The following MYOZ2 variants were observed in gnomAD, a reference collection of about 807,000 sequenced individuals.
MYOZ2 encodes myozenin 2.
MYOZ2 carries 19 observed loss-of-function variants against 25.4 expected under a neutral mutation model. That is an observed-to-expected ratio of 0.75 (90% CI 0.52 to 1.10). MYOZ2 has a LOEUF of 1.10. Among genes scored for constraint, MYOZ2 ranks in the 50% least tolerant of loss-of-function variants. The probability of loss-of-function intolerance (pLI) is 0.00; values close to 1 mark genes in which losing one functional copy is unlikely to be tolerated. For missense variants in MYOZ2, 270 were observed against 317.9 expected, an observed-to-expected ratio of 0.85 and a Z score of 1.15; for synonymous variants, 92 against 106.9, an observed-to-expected ratio of 0.86 and a Z score of 0.86.
intron 5 of MYOZ2, among the ~76,000 whole-genome samples, chr4:119,169,368 T>A (rs915154103): frequency 2.2e-4 from 34 of 152,354 alleles, no homozygotes; most frequent in Middle Eastern, 3.4e-3. Context: ...CCTGTAATTA[T>A]ATCTTTGGCT....
At chr4:119,136,964 G>T (rs1201509000) in intron 2 of MYOZ2, among the ~76,000 whole-genome samples, 3 of 151,868 alleles carry the variant, frequency 2.0e-5, no homozygotes, top group Non-Finnish European at 4.4e-5. Context: ...ACATGGTTTA[G>T]CTTGATTTCT....
intron 5 of MYOZ2, among the ~76,000 whole-genome samples, chr4:119,168,819 T>C (rs1741888559): frequency 6.6e-6 from 1 of 152,196 alleles, no homozygotes; most frequent in African/African-American, 2.4e-5. Flanking sequence ...ATTGTTGACA[T>C]GACAACAAAT....
At position 119,158,084 on chromosome 4, in the gene MYOZ2, A is replaced by G. The variant is rs1051191303; in HGVS notation, c.309A>G (p.Gln103=). 2 of 1,613,930 alleles carry G rather than the reference A, an allele frequency of 1.2e-6. No individual in the cohort carries two copies. The highest frequency in any genetic ancestry group is 2.7e-5 in the African/African-American group (2 of 74,886). ...GTAACTTGGAAGGTGGTTCGCAGCA[A>G]GCCCCCTTGACTCCTCCCAACACCC... ...DGSNLEGGSQ[Q]APLTPPNTPD... is the part of the protein sequence containing the mutation. Residue 103 remains glutamine (Q), a synonymous_variant, in exon 4 of 6, where the codon CAA becomes CAG. Transcript: ENST00000307128.
intron 2 of MYOZ2, among the ~76,000 whole-genome samples, chr4:119,145,546 GTGTT>G (rs1355468485): frequency 0.028 from 2,484 of 89,920 alleles, 43 homozygotes; most frequent in South Asian, 0.096. Flanking sequence ...GTGTGTGTGT[GTGTT>G]TTTGGTAGAG....
chr4:119,137,314 A>G (rs1741052683), intron 2 of MYOZ2, among the ~76,000 whole-genome samples: 1 of 152,158 alleles, frequency 6.6e-6, no homozygotes, highest in African/African-American at 2.4e-5. Flanking sequence ...TTGCATTTTG[A>G]TTCTTATAAA....
chr4:119,162,397 GT>G (rs1741729992), intron 4 of MYOZ2, among the ~76,000 whole-genome samples: 2 of 152,308 alleles, frequency 1.3e-5, no homozygotes, highest in Admixed American at 1.3e-4. Context: ...AGTTAGGAAG[GT>G]CTCCTGGGGC....
intron 5 of MYOZ2, among the ~76,000 whole-genome samples, chr4:119,174,261 G>C (rs772604141): frequency 2.4e-4 from 36 of 152,356 alleles, no homozygotes; most frequent in Non-Finnish European, 4.4e-4. Flanking sequence ...GAGTCTGGTG[G>C]GGCCTTGGAG....
At chr4:119,171,905 C>T (rs1189634591) in intron 5 of MYOZ2, among the ~76,000 whole-genome samples, 1 of 151,442 alleles carries the variant, frequency 6.6e-6, no homozygotes, top group Non-Finnish European at 1.5e-5. Flanking sequence ...CAGTTATTTC[C>T]AAAGTCCTTG....
Position 119,158,011 on chromosome 4 carries a change from A to T in MYOZ2, c.247-11A>T. The T allele has an allele frequency of 6.2e-7, 1 of 1,613,932 alleles. No homozygotes were observed. The highest frequency in any genetic ancestry group is 8.5e-7 in the Non-Finnish European group (1 of 1,179,884). On this transcript the variant is annotated splice_polypyrimidine_tract_variant and intron_variant, in intron 3 of 5. Coordinates refer to ENST00000307128, the MANE Select transcript of MYOZ2 (RefSeq NM_016599.5). ...GAGTTTTCAGCAGAGTTTACTTTTG[A>T]TTAAATACAGCACAGTATTGCTATG...
rs544338424 is a variant in MYOZ2 at position 119,155,408 on chromosome 4, G to T, written c.247-2614G>T. ...AACAAATAAAGAAAGAGCACGAGAAGGTGGCATAGGTTTTATTGAAGTATT... is the reference window on the plus strand; with the variant it reads ...AACAAATAAAGAAAGAGCACGAGAATGTGGCATAGGTTTTATTGAAGTATT... On this transcript the variant is annotated intron_variant, in intron 3 of 5. Transcript: ENST00000307128. Among the ~76,000 whole-genome samples the T allele has an allele frequency of 4.0e-4, 61 of 152,256 alleles. 1 individual carries two copies. Among genetic ancestry groups the T allele is most frequent in the African/African-American group, 1.4e-3 (60 of 41,552 alleles).
At chr4:119,158,878 G>C (rs1041473263) in intron 4 of MYOZ2, among the ~76,000 whole-genome samples, 1 of 152,114 alleles carries the variant, frequency 6.6e-6, no homozygotes, top group Non-Finnish European at 1.5e-5. Context: ...GAATGAATAA[G>C]ACCTAGTATT....
intron 5 of MYOZ2, among the ~76,000 whole-genome samples, chr4:119,181,071 C>A (rs1742178183): frequency 6.6e-6 from 1 of 152,144 alleles, no homozygotes. Context: ...CTCCACAACA[C>A]CTATTCAATA....
chr4:119,168,424 A>G (rs530768323), intron 5 of MYOZ2, among the ~76,000 whole-genome samples: 1 of 152,350 alleles, frequency 6.6e-6, no homozygotes, highest in Admixed American at 6.5e-5. Context: ...TGGGCAAAGT[A>G]AATTGAAAAC....
Position 119,150,764 on chromosome 4 carries a change from T to G in MYOZ2, c.77-108T>G, listed in dbSNP as rs1042899783. The G allele has an allele frequency of 2.0e-5, 22 of 1,117,108 alleles. No individual in the cohort carries two copies. In the Admixed American group the frequency reaches 2.6e-4, roughly 13 times the overall value. 69.2% of individuals were successfully genotyped at this position (1,117,108 alleles called of 1,614,324 possible). On this transcript the variant is annotated intron_variant, in intron 2 of 5. Coordinates refer to ENST00000307128, the MANE Select transcript of MYOZ2 (RefSeq NM_016599.5). ...GGTTTAGAGAAAATAAATGACATAC[T>G]TATGATTATGCAATTAGAAAGTGGT...
chr4:119,180,754 C>A (rs1742172106), intron 5 of MYOZ2, among the ~76,000 whole-genome samples: 1 of 152,110 alleles, frequency 6.6e-6, no homozygotes, highest in Non-Finnish European at 1.5e-5. Context: ...CGGGGTTTCA[C>A]CATGTTGGCC....
At chr4:119,176,431 C>T (rs1742073085) in intron 5 of MYOZ2, among the ~76,000 whole-genome samples, 1 of 152,146 alleles carries the variant, frequency 6.6e-6, no homozygotes, top group South Asian at 2.1e-4. Context: ...CCATGTTGGC[C>T]AGGCTGGTCT....
chr4:119,165,891 A>G (rs960869793), intron 5 of MYOZ2, among the ~76,000 whole-genome samples: 7 of 152,148 alleles, frequency 4.6e-5, no homozygotes, highest in Non-Finnish European at 1.0e-4. Context: ...TGGTGTGGTA[A>G]TATTTGGGTT....
chr4:119,146,625 T>C (rs1485161120), intron 2 of MYOZ2, among the ~76,000 whole-genome samples: 1 of 152,146 alleles, frequency 6.6e-6, no homozygotes, highest in Non-Finnish European at 1.5e-5. Context: ...TTTGTTGAGG[T>C]TTATTTTATA....
intron 5 of MYOZ2, among the ~76,000 whole-genome samples, chr4:119,173,380 CT>C (rs1741984460): frequency 6.6e-6 from 1 of 152,188 alleles, no homozygotes; most frequent in South Asian, 2.1e-4. Flanking sequence ...GAAACGTTTG[CT>C]TCACTAACTT....
Sources: gnomAD v4.1 joint callset for allele counts (sites outside exome capture counted in the v4.1 genomes callset) on GRCh38, gnomAD v4.1.1 for gene constraint, MANE v1.5 for transcripts, NCBI Gene and HGNC (gene_info 2026-07-23, HGNC 2026-07-21) for gene names.